The following EIF2B3 variants were observed in gnomAD, a reference collection of about 807,000 sequenced individuals.
The protein encoded by EIF2B3 is translation initiation factor eIF2B subunit gamma.
EIF2B3 carries 20 observed loss-of-function variants against 54.1 expected under a neutral mutation model. That is an observed-to-expected ratio of 0.37 (90% CI 0.26 to 0.54). The LOEUF (loss-of-function observed/expected upper bound fraction) is 0.54, where lower values mean the gene tolerates loss of function less well. EIF2B3 is among the 20% of genes least tolerant of loss of function. EIF2B3 has a pLI of 0.86. For missense variants in EIF2B3, 448 were observed against 547.8 expected (o/e 0.82, Z 1.82); for synonymous variants, 153 against 188.1 (o/e 0.81, Z 1.52).
At chr1:44,866,180 TG>T (rs1309460139) in intron 10 of EIF2B3, among the ~76,000 whole-genome samples, 4 of 152,064 alleles carry the variant, frequency 2.6e-5, no homozygotes, top group Admixed American at 2.6e-4. Context: ...GGGCGGCTAA[TG>T]AGGTCAGGAA....
chr1:44,922,772 C>T (rs1278570981), intron 5 of EIF2B3, among the ~76,000 whole-genome samples: 1 of 149,916 alleles, frequency 6.7e-6, no homozygotes, highest in Non-Finnish European at 1.5e-5. Flanking sequence ...TTAAGTTAAT[C>T]CCCAGGTAAT....
At chr1:44,964,698 C>A (rs1644319048) in intron 3 of EIF2B3, among the ~76,000 whole-genome samples, 1 of 152,152 alleles carries the variant, frequency 6.6e-6, no homozygotes, top group Admixed American at 6.5e-5. Flanking sequence ...ATTATCCCTA[C>A]TTTCTTGGTT....
At chr1:44,971,158 C>A (rs1000604739) in intron 3 of EIF2B3, among the ~76,000 whole-genome samples, 4 of 151,896 alleles carry the variant, frequency 2.6e-5, no homozygotes, top group South Asian at 4.2e-4. Flanking sequence ...CCGAGGCGGG[C>A]GGATCCCGAA....
intron 6 of EIF2B3, among the ~76,000 whole-genome samples, chr1:44,883,219 TG>T (rs1038016323): frequency 1.2e-4 from 19 of 152,084 alleles, no homozygotes; most frequent in African/African-American, 4.6e-4. Context: ...ATTACAGGTG[TG>T]AGCCACCATG....
chr1:44,913,353 C>G (rs1643554078), intron 5 of EIF2B3, among the ~76,000 whole-genome samples: 1 of 152,070 alleles, frequency 6.6e-6, no homozygotes, highest in Admixed American at 6.6e-5. Flanking sequence ...AATTCCAGAG[C>G]TAGTCAGCTA....
chr1:44,939,045 C>A (rs535096727), intron 4 of EIF2B3, among the ~76,000 whole-genome samples: 1 of 138,224 alleles, frequency 7.2e-6, no homozygotes, highest in Non-Finnish European at 1.5e-5. Context: ...AGGTTTGCAG[C>A]GAGCCAAGAT....
intron 10 of EIF2B3, among the ~76,000 whole-genome samples, chr1:44,867,232 A>C (rs1239207638): frequency 6.6e-6 from 1 of 152,114 alleles, no homozygotes; most frequent in Admixed American, 6.5e-5. Flanking sequence ...AATGCAGGAG[A>C]GGTTGCTTGG....
chr1:44,916,393 T>C (rs1347409455), intron 5 of EIF2B3, among the ~76,000 whole-genome samples: 2 of 151,428 alleles, frequency 1.3e-5, no homozygotes, highest in Non-Finnish European at 3.0e-5. Flanking sequence ...GGTTATTTTT[T>C]TTTATTTTTA....
In EIF2B3 at chr1:44,897,388, T is replaced by G. The variant is rs1656007363; in HGVS notation, c.623A>C (p.Lys208Thr). The part of the protein sequence containing the change: ...GLVDAHLYCL[K>T]KYIVDFLMEN... Reference sequence around the variant, plus strand: ...CATTAGGAAATCCACGATGTATTTTTTCAAACAGTAGAGGTGGGCATCCAC... The same window carrying G: ...CATTAGGAAATCCACGATGTATTTTGTCAAACAGTAGAGGTGGGCATCCAC... The change falls in exon 6 of 12, where the codon AAA becomes ACA. Residue 208 changes from lysine (K) to threonine (T), a missense_variant. Around this residue, in one of 3 missense-constraint regions of EIF2B3, gnomAD observed 350 missense variants for 414.2 expected, o/e 0.85. Transcript: ENST00000360403. 6.2e-7 allele frequency: 1 copy of G among 1,613,708 alleles called. No homozygotes were observed. Among genetic ancestry groups the G allele is most frequent in the Admixed American group, 1.7e-5 (1 of 59,982 alleles).
chr1:44,952,366 C>A (rs1054754136), intron 3 of EIF2B3, among the ~76,000 whole-genome samples: 28 of 152,106 alleles, frequency 1.8e-4, no homozygotes, highest in Admixed American at 5.9e-4. Context: ...TCCCAAAGTG[C>A]TGGGATTACC....
intron 3 of EIF2B3, among the ~76,000 whole-genome samples, chr1:44,951,993 C>T (rs1224239095): frequency 4.4e-5 from 2 of 45,666 alleles, no homozygotes; most frequent in South Asian, 9.3e-4. Flanking sequence ...GACGGAGTCT[C>T]GCTCTGTTGC....
At chr1:44,868,355 G>A (rs1209194750) in intron 10 of EIF2B3, among the ~76,000 whole-genome samples, 22 of 134,870 alleles carry the variant, frequency 1.6e-4, no homozygotes, top group South Asian at 4.6e-4. Flanking sequence ...CTGAGATTGC[G>A]CCACTGTACT....
At chr1:44,945,467 T>C (rs1569807442) in intron 3 of EIF2B3, among the ~76,000 whole-genome samples, 1 of 149,564 alleles carries the variant, frequency 6.7e-6, no homozygotes, top group Non-Finnish European at 1.5e-5. Flanking sequence ...GGCAGGAGAA[T>C]GGCATGAACC....
Position 44,897,228 on chromosome 1 carries a change from G to C in EIF2B3, c.656+127C>G, listed in dbSNP as rs1267432368. ...AATTTCATTTCTAAAACAAAAATGAGAACTAACTGTGCTATTGTGCTAATT... is the reference window on the plus strand; with the variant it reads ...AATTTCATTTCTAAAACAAAAATGACAACTAACTGTGCTATTGTGCTAATT... On this transcript the variant is annotated intron_variant, in intron 6 of 11. Transcript: ENST00000360403. 5.7e-6 allele frequency: 4 copies of C among 705,308 alleles called. No homozygotes were observed. In the South Asian group the frequency reaches 6.5e-5, roughly 11 times the overall value. 43.7% of individuals were successfully genotyped at this position (705,308 alleles called of 1,614,324 possible).
intron 11 of EIF2B3, among the ~76,000 whole-genome samples, chr1:44,853,745 A>G (rs183878032): frequency 3.9e-4 from 60 of 152,316 alleles, no homozygotes; most frequent in African/African-American, 1.4e-3. Context: ...GAGGATGATA[A>G]GTTGGGAAAA....
chr1:44,969,473 T>C (rs1644379567), intron 3 of EIF2B3, among the ~76,000 whole-genome samples: 4 of 152,354 alleles, frequency 2.6e-5, no homozygotes, highest in South Asian at 2.1e-4. Context: ...ACTGATTAGA[T>C]ACTTAATGAT....
chr1:44,948,931 G>A (rs1380064174), intron 3 of EIF2B3, among the ~76,000 whole-genome samples: 2 of 151,846 alleles, frequency 1.3e-5, no homozygotes, highest in South Asian at 2.1e-4. Context: ...AAAATGGCAC[G>A]ATCACGGCTC....
At chr1:44,959,832 T>A (rs1326289719) in intron 3 of EIF2B3, among the ~76,000 whole-genome samples, 4 of 152,224 alleles carry the variant, frequency 2.6e-5, no homozygotes, top group Non-Finnish European at 5.9e-5. Flanking sequence ...CAATAGTATT[T>A]GTTTCAACTC....
intron 3 of EIF2B3, among the ~76,000 whole-genome samples, chr1:44,969,754 A>G (rs114564209): frequency 1.4e-3 from 219 of 152,342 alleles, no homozygotes; most frequent in Middle Eastern, 0.01. Context: ...ATTTCCATAT[A>G]AGAAGTTAAA....
Sources: allele counts gnomAD v4.1 joint callset (sites outside exome capture counted in the v4.1 genomes callset), GRCh38; gene constraint gnomAD v4.1.1; regional missense constraint gnomAD v4.1.1; transcripts MANE v1.5; gene names NCBI Gene and HGNC (gene_info 2026-07-23, HGNC 2026-07-21).